ARHGEF17: variants seen among roughly 807,000 people sequenced by gnomAD.
The protein encoded by ARHGEF17 is 164 kDa Rho-specific guanine-nucleotide exchange factor.
A neutral mutation model predicts 174.0 loss-of-function variants in ARHGEF17; 80 were observed. That is an observed-to-expected ratio of 0.46 (90% CI 0.38 to 0.55). The LOEUF is 0.55. Ranked by LOEUF, ARHGEF17 falls within the 20% of genes least tolerant of loss-of-function variation. The pLI, the probability that ARHGEF17 is intolerant of heterozygous loss-of-function variation, is 0.00. For missense variants in ARHGEF17, 2,886 were observed against 2,839.7 expected, an observed-to-expected ratio of 1.02 and a Z score of -0.37; for synonymous variants, 1,311 against 1,189.1, an observed-to-expected ratio of 1.10 and a Z score of -2.11.
In ARHGEF17 at chr11:73,310,175, C is replaced by A. The variant is rs1205628009; in HGVS notation, c.1537C>A (p.Pro513Thr). Residue 513 changes from proline to threonine, a missense_variant, in exon 1 of 21, where the codon CCT becomes ACT. Physicochemically the swap from Pro to Thr is conservative, Grantham distance 38. This residue lies in a region of ARHGEF17 where 1,728 missense variants were observed against 1,461.2 expected (regional missense o/e 1.18). Transcript: ENST00000263674. ...DGRDSPSAGG[P>T]VGQLEPIPIP... is the part of the protein sequence containing the mutation. ...CAGAGACTCACCATCCGCAGGTGGC[C>A]CTGTGGGGCAACTTGAACCCATACC... 1 of 1,613,990 alleles carries A rather than the reference C, an allele frequency of 6.2e-7. No individual in the cohort carries two copies. Among genetic ancestry groups the A allele is most frequent in the Non-Finnish European group, 8.5e-7 (1 of 1,180,014 alleles).
At position 73,346,946 on chromosome 11, in the gene ARHGEF17, C is replaced by T. The variant is rs1865471693; in HGVS notation, c.3256C>T (p.Arg1086Cys). 1 of 1,581,240 alleles carries T rather than the reference C, an allele frequency of 6.3e-7. No homozygotes were observed. Among genetic ancestry groups the T allele is most frequent in the Non-Finnish European group, 8.6e-7 (1 of 1,157,952 alleles). ...AGAGCAGTCGTATGTGGAGTCGCTG[C>T]GCACCCTGATGCAGGTGGGGCTCGG... Reference protein sequence around the residue: ...DTEQSYVESLRTLMQGYMQPL... With the variant: ...DTEQSYVESLCTLMQGYMQPL... Residue 1086 changes from arginine to cysteine, a missense_variant, in exon 2 of 21, where the codon CGC becomes TGC. Transcript: ENST00000263674.
chr11:73,350,640 A>G (rs772202658), intron 2 of ARHGEF17, among the ~76,000 whole-genome samples: 1 of 152,196 alleles, frequency 6.6e-6, no homozygotes, highest in Non-Finnish European at 1.5e-5. Context: ...TAGGAGCCAG[A>G]AGGAGGGAGG....
intron 9 of ARHGEF17, among the ~76,000 whole-genome samples, chr11:73,357,733 T>C (rs1369818246): frequency 6.6e-6 from 1 of 152,262 alleles, no homozygotes; most frequent in Non-Finnish European, 1.5e-5. Context: ...AAAGGGTTGA[T>C]TGGAGCCATC....
rs989455757 is a variant in ARHGEF17, at chr11:73,363,236, C to T, written c.5027C>T (p.Thr1676Met). Residue 1676 changes from threonine to methionine, a missense_variant, in exon 15 of 21, where the codon ACG becomes ATG. Physicochemically the swap from Thr to Met is moderately conservative, Grantham distance 81. Coordinates refer to ENST00000263674, the MANE Select transcript of ARHGEF17 (RefSeq NM_014786.4). ...NEETPSSKEA[T>M]AETTSSEEEQ... is the part of the protein sequence containing the mutation. ...GAGACCCCGAGTTCCAAGGAGGCCA[C>T]GGCAGAGACCACCAGCTCAGAGGAG... 17 of 1,592,682 alleles carry T rather than the reference C, an allele frequency of 1.1e-5. No homozygotes were observed. Among genetic ancestry groups the T allele is most frequent in the Non-Finnish European group, 1.4e-5 (16 of 1,166,630 alleles).
chr11:73,335,418 A>T (rs772308438), intron 1 of ARHGEF17, among the ~76,000 whole-genome samples: 1 of 151,964 alleles, frequency 6.6e-6, no homozygotes, highest in East Asian at 1.9e-4. Context: ...CTATCCATCT[A>T]CTTCTCAAGC....
intron 1 of ARHGEF17, among the ~76,000 whole-genome samples, chr11:73,324,355 T>TG (rs1436010347): frequency 1.3e-5 from 2 of 152,060 alleles, no homozygotes; most frequent in Non-Finnish European, 2.9e-5. Context: ...ATAAATAATG[T>TG]GGGGGAGGCA....
rs1297904609 is a variant in ARHGEF17, at chr11:73,310,214, G to A, written c.1576G>A (p.Ala526Thr). The A allele has an allele frequency of 2.5e-6, 4 of 1,613,896 alleles. No individual in the cohort carries two copies. The East Asian group carries it at 8.9e-5, about 36-fold the overall frequency. ...TGAACCCATACCCATCCCAGCCCCA[G>A]CATCACCTGGCACGCGCCCCACACT... ...QLEPIPIPAP[A>T]SPGTRPTLKD... The change falls in exon 1 of 21, where the codon GCA (alanine) becomes ACA (threonine). Residue 526 changes from alanine (A) to threonine (T), a missense_variant. Around this residue, in one of 4 missense-constraint regions of ARHGEF17, gnomAD observed 1,728 missense variants for 1,461.2 expected, o/e 1.18. Coordinates refer to ENST00000263674, the MANE Select transcript of ARHGEF17 (RefSeq NM_014786.4).
intron 1 of ARHGEF17, among the ~76,000 whole-genome samples, chr11:73,342,566 T>A (rs1865386892): frequency 6.6e-6 from 1 of 152,106 alleles, no homozygotes; most frequent in East Asian, 1.9e-4. Flanking sequence ...GACCCCCTTG[T>A]GCATACGGGT....
chr11:73,310,878 C>G lies in ARHGEF17; in HGVS notation c.2240C>G (p.Ser747Cys). 6.2e-7 allele frequency: 1 copy of G among 1,612,720 alleles called. No individual in the cohort carries two copies. The highest frequency in any genetic ancestry group is 1.1e-5 in the South Asian group (1 of 91,056). Residue 747 changes from serine to cysteine, a missense_variant, in exon 1 of 21, where the codon TCT (serine) becomes TGT (cysteine). Around this residue, in one of 4 missense-constraint regions of ARHGEF17, gnomAD observed 1,728 missense variants for 1,461.2 expected, o/e 1.18. Transcript: ENST00000263674. ...CCTCAGCGCCACCGGGCTGCCACCT[C>G]TGAAGAGCCTACTGGGTTCTCTGTG... The part of the protein sequence containing the change: ...PIPQRHRAAT[S>C]EEPTGFSVDS...
chr11:73,352,954 G>T lies in ARHGEF17; in HGVS notation c.3395G>T (p.Arg1132Leu). ...CACGAGCAATTCCTGGAGCAGGTTCGGCACTGCATGCAGACCTGGCATGCC... is the reference window on the plus strand; with the variant it reads ...CACGAGCAATTCCTGGAGCAGGTTCTGCACTGCATGCAGACCTGGCATGCC... ...EHHEQFLEQV[R>L]HCMQTWHAQQ... is the part of the protein sequence containing the mutation. Residue 1132 changes from arginine (R) to leucine (L), a missense_variant, in exon 3 of 21, where the codon CGG becomes CTG. Arg to Leu is a moderately radical substitution (Grantham distance 102). Around this residue, in one of 4 missense-constraint regions of ARHGEF17, gnomAD observed 353 missense variants for 470.3 expected, o/e 0.75. Coordinates refer to ENST00000263674, the MANE Select transcript of ARHGEF17 (RefSeq NM_014786.4). The T allele has an allele frequency of 4.3e-6, 7 of 1,614,098 alleles. 1 individual carries two copies. The South Asian group carries it at 7.7e-5, about 18-fold the overall frequency.
chr11:73,364,868 C>A, intron 18 of ARHGEF17: 1 of 444,814 alleles, frequency 2.2e-6, no homozygotes, highest in Non-Finnish European at 3.9e-6. Context: ...GTTTTAGGGT[C>A]CTTTGGGGAT....
intron 1 of ARHGEF17, among the ~76,000 whole-genome samples, chr11:73,313,946 A>G (rs1248402108): frequency 6.6e-6 from 1 of 152,210 alleles, no homozygotes; most frequent in African/African-American, 2.4e-5. Flanking sequence ...GCTGCTTCTC[A>G]GCCACCAGGC....
chr11:73,324,135 C>T (rs891674974), intron 1 of ARHGEF17, among the ~76,000 whole-genome samples: 19 of 152,110 alleles, frequency 1.2e-4, no homozygotes, highest in Admixed American at 9.8e-4. Flanking sequence ...GCCCAGGTGT[C>T]AGGAACCGCC....
In ARHGEF17 at chr11:73,309,857, A is replaced by G; in HGVS notation, c.1219A>G (p.Ser407Gly). The change falls in exon 1 of 21, where the codon AGT (serine) becomes GGT (glycine). Residue 407 changes from serine to glycine, a missense_variant. By Grantham distance (56) the Ser-to-Gly change is moderately conservative (BLOSUM62 0). Coordinates refer to ENST00000263674, the MANE Select transcript of ARHGEF17 (RefSeq NM_014786.4). ...ETLKDDDLWSSRGSGGWGVYR... is the reference protein window; with the variant it reads ...ETLKDDDLWSGRGSGGWGVYR... ...CCTCAAGGACGACGACCTATGGTCT[A>G]GTAGGGGTTCTGGGGGCTGGGGCGT... The G allele has an allele frequency of 6.2e-7, 1 of 1,613,174 alleles. No individual in the cohort carries two copies. Among genetic ancestry groups the G allele is most frequent in the Non-Finnish European group, 8.5e-7 (1 of 1,180,000 alleles).
Position 73,364,213 on chromosome 11 carries a change from A to C in ARHGEF17, c.5375A>C (p.Glu1792Ala). 1 of 1,614,000 alleles carries C rather than the reference A, an allele frequency of 6.2e-7. No individual in the cohort carries two copies. The highest frequency in any genetic ancestry group is 8.5e-7 in the Non-Finnish European group (1 of 1,180,000). Residue 1792 changes from glutamate (E) to alanine (A), a missense_variant, in exon 17 of 21, where the codon GAG (glutamate) becomes GCG (alanine). This residue lies in a region of ARHGEF17 where 329 missense variants were observed against 435.2 expected (regional missense o/e 0.76). Coordinates refer to ENST00000263674, the MANE Select transcript of ARHGEF17 (RefSeq NM_014786.4). Reference protein sequence around the residue: ...NQVFVSLANGELVVYQREAGH... With the variant: ...NQVFVSLANGALVVYQREAGH... ...GTGTTTGTGTCTCTGGCCAATGGAG[A>C]GCTTGTGGTCTACCAAAGGGAAGCA...
At chr11:73,336,051 A>G (rs1865281841) in intron 1 of ARHGEF17, among the ~76,000 whole-genome samples, 1 of 152,202 alleles carries the variant, frequency 6.6e-6, no homozygotes, top group African/African-American at 2.4e-5. Flanking sequence ...ATGGAAGAGA[A>G]TACAGCCTCC....
At chr11:73,317,142 T>C (rs964184762) in intron 1 of ARHGEF17, among the ~76,000 whole-genome samples, 1 of 152,102 alleles carries the variant, frequency 6.6e-6, no homozygotes, top group Non-Finnish European at 1.5e-5. Context: ...CAGACCCACA[T>C]TGGCTTGGCT....
chr11:73,346,222 A>G (rs2134410942), intron 1 of ARHGEF17, among the ~76,000 whole-genome samples: 1 of 152,296 alleles, frequency 6.6e-6, no homozygotes, highest in African/African-American at 2.4e-5. Flanking sequence ...GGCCAGGATT[A>G]TTGAATAATA....
At position 73,365,778 on chromosome 11, in the gene ARHGEF17, C is replaced by T. The variant is rs776209605; in HGVS notation, c.5826C>T (p.Val1942=). The T allele has an allele frequency of 4.3e-6, 7 of 1,613,598 alleles. No homozygotes were observed. Among genetic ancestry groups the T allele is most frequent in the African/African-American group, 1.3e-5 (1 of 74,934 alleles). ...TGTGGGTGGGCACCAGTGCTGGTGT[C>T]GTCCTCACCATGCCCACTTCGCCCG... ...ELLWVGTSAG[V]VLTMPTSPGT... Residue 1942 remains valine (V), a synonymous_variant, in exon 20 of 21, where the codon GTC becomes GTT. Transcript: ENST00000263674. This position sits in a 1 kb window ranked among gnomAD's most constrained non-coding sequence, Gnocchi z 4.9.
Sources: gnomAD v4.1 joint callset for allele counts (sites outside exome capture counted in the v4.1 genomes callset) on GRCh38, gnomAD v4.1.1 for gene constraint, gnomAD v4.1.1 regional missense constraint, Gnocchi (gnomAD v3.1) non-coding constraint, MANE v1.5 for transcripts, NCBI Gene and HGNC (gene_info 2026-07-23, HGNC 2026-07-21) for gene names.